The following RAB11FIP3 variants were observed in gnomAD, a reference collection of about 807,000 sequenced individuals.
RAB11FIP3 encodes rab11 family-interacting protein 3.
Under a neutral mutation model 77.8 loss-of-function variants are expected in RAB11FIP3, and 17 were observed. The observed-to-expected ratio is 0.22, with a 90% CI of 0.15 to 0.33. The LOEUF is 0.33. RAB11FIP3 is among the 10% of genes least tolerant of loss of function. The pLI, the probability that RAB11FIP3 is intolerant of heterozygous loss-of-function variation, is 1.00. For missense variants in RAB11FIP3, 1,005 were observed against 1,011.2 expected, an observed-to-expected ratio of 0.99 and a Z score of 0.08; for synonymous variants, 437 against 448.2, an observed-to-expected ratio of 0.98 and a Z score of 0.31.
chr16:471,485 C>A lies in RAB11FIP3; in HGVS notation c.903+96C>A. 9.0e-7 allele frequency: 1 copy of A among 1,107,830 alleles called. No homozygotes were observed. The highest frequency in any genetic ancestry group is 1.3e-5 in the South Asian group (1 of 74,242). 68.6% of individuals were successfully genotyped at this position (1,107,830 alleles called of 1,614,324 possible). On this transcript the variant is annotated intron_variant, in intron 3 of 13. Coordinates refer to ENST00000262305, the MANE Select transcript of RAB11FIP3 (RefSeq NM_014700.4). This position sits in a 1 kb window ranked among gnomAD's most constrained non-coding sequence, Gnocchi z 4.4. Reference sequence around the variant, plus strand: ...TGCCTCCTGCCTCCGGGCTGTCTTCCGTAGAAGCTGGCGTGAAGGAAGGGC... The same window carrying A: ...TGCCTCCTGCCTCCGGGCTGTCTTCAGTAGAAGCTGGCGTGAAGGAAGGGC...
intron 1 of RAB11FIP3, among the ~76,000 whole-genome samples, chr16:448,545 G>C (rs2055354488): frequency 6.6e-6 from 1 of 151,872 alleles, no homozygotes; most frequent in Admixed American, 6.6e-5. Flanking sequence ...GACCATCCTG[G>C]CTAACACGGT....
At chr16:436,559 G>T (rs1322250166) in intron 1 of RAB11FIP3, among the ~76,000 whole-genome samples, 1 of 152,058 alleles carries the variant, frequency 6.6e-6, no homozygotes, top group East Asian at 1.9e-4. Flanking sequence ...TGAGCTCACT[G>T]CAAGCTCCAC....
chr16:487,710 G>T (rs1345537855), intron 4 of RAB11FIP3, among the ~76,000 whole-genome samples: 2 of 152,164 alleles, frequency 1.3e-5, no homozygotes, highest in East Asian at 3.9e-4. Flanking sequence ...GGGACCGCTA[G>T]GGCACAGGAG....
rs8052499 is a variant in RAB11FIP3 at position 497,572 on chromosome 16, T to C, written c.1301+713T>C. ...CTGGAGCATCCCCTCTGGAGCCTCC[T>C]CTCTGCCCTGTTGTGCCGGGCGTTC... is the stretch of plus-strand genomic sequence containing the variant. On this transcript the variant is annotated intron_variant, in intron 6 of 13. Coordinates refer to ENST00000262305, the MANE Select transcript of RAB11FIP3 (RefSeq NM_014700.4). 2.2e-3 allele frequency: 1,849 copies of C among 843,582 alleles called. 25 individuals are homozygous for C. In the African/African-American group the frequency reaches 0.03, roughly 14 times the overall value. The allele number at this position is 843,582 out of a possible 1,614,324, so 52.3% of individuals were successfully genotyped here. A position where few individuals can be genotyped will look rare whatever the true frequency, so the allele number is the denominator to read the frequency against.
At position 518,428 on chromosome 16, in the gene RAB11FIP3, A is replaced by T. The variant is rs531809479; in HGVS notation, c.1641-515A>T. On this transcript the variant is annotated intron_variant, in intron 9 of 13. Coordinates refer to ENST00000262305, the MANE Select transcript of RAB11FIP3 (RefSeq NM_014700.4). ...ATTATTCCAAAACCCAAAGTATATT[A>T]AAAAAACCACCGTGGATGGCCGGCG... is the stretch of plus-strand genomic sequence containing the variant. 2.2e-3 allele frequency among the ~76,000 whole-genome samples: 330 copies of T among 151,618 alleles called. 5 individuals are homozygous for T. Among genetic ancestry groups the T allele is most frequent in the African/African-American group, 7.7e-3 (316 of 40,984 alleles).
chr16:446,418 T>A (rs577459454), intron 1 of RAB11FIP3, among the ~76,000 whole-genome samples: 1 of 152,316 alleles, frequency 6.6e-6, no homozygotes, highest in African/African-American at 2.4e-5. Flanking sequence ...GAGCAGATAT[T>A]TCCTTCAGAG....
In RAB11FIP3 at chr16:485,659, C is replaced by T. The variant is rs1471155210; in HGVS notation, c.1115+2923C>T. ...AACTCCTGACCTTGTGATCCACCCA[C>T]GTTGGCCTCCCAAAGTGCTGGGATT... On this transcript the variant is annotated intron_variant, in intron 4 of 13. Coordinates refer to ENST00000262305, the MANE Select transcript of RAB11FIP3 (RefSeq NM_014700.4). Among the ~76,000 whole-genome samples the T allele has an allele frequency of 3.3e-5, 5 of 152,380 alleles. No homozygotes were observed. The Middle Eastern group carries it at 0.01, about 311-fold the overall frequency.
chr16:459,875 CTTTTTTTTTTTT>C (rs1170379362), intron 1 of RAB11FIP3, among the ~76,000 whole-genome samples: 1 of 119,340 alleles, frequency 8.4e-6, no homozygotes, highest in Admixed American at 8.4e-5. Flanking sequence ...ATTGAGTTGT[CTTTTTTTTTTTT>C]TTTTTTTTGA....
chr16:479,105 A>C (rs1477029932), intron 3 of RAB11FIP3, among the ~76,000 whole-genome samples: 1 of 152,168 alleles, frequency 6.6e-6, no homozygotes, highest in Non-Finnish European at 1.5e-5. Flanking sequence ...TTAAGAGTAA[A>C]AACAAGTTGG....
chr16:455,642 G>C (rs535159932), intron 1 of RAB11FIP3, among the ~76,000 whole-genome samples: 9 of 152,050 alleles, frequency 5.9e-5, no homozygotes, highest in Non-Finnish European at 1.3e-4. Flanking sequence ...TGTCGCCCAC[G>C]TGGAATGCAG....
chr16:494,558 C>A (rs1417029979), intron 5 of RAB11FIP3, among the ~76,000 whole-genome samples: 1 of 151,810 alleles, frequency 6.6e-6, no homozygotes, highest in Admixed American at 6.6e-5. Flanking sequence ...GGAGGTGGAA[C>A]TTGCAGTGAG....
chr16:430,929 G>A (rs1010556354), intron 1 of RAB11FIP3, among the ~76,000 whole-genome samples: 8 of 152,206 alleles, frequency 5.3e-5, no homozygotes, highest in Non-Finnish European at 8.8e-5. Flanking sequence ...TCAAGCGACC[G>A]TCCTCGGGCC....
intron 9 of RAB11FIP3, 112 bp from the exon 10 acceptor site, chr16:518,831 C>T (rs140564842): frequency 1.6e-5 from 16 of 1,008,206 alleles, no homozygotes; most frequent in East Asian, 9.5e-5. Flanking sequence ...CGTTTGGGGG[C>T]GTCTGTTGGT....
At chr16:519,184 C>A in intron 10 of RAB11FIP3, 160 bp downstream of exon 10, 1 of 692,622 alleles carries the variant, frequency 1.4e-6, no homozygotes, top group Non-Finnish European at 2.4e-6. Flanking sequence ...AGACACTGGA[C>A]CGTGCTCCAC....
chr16:454,404 G>A (rs550249698), intron 1 of RAB11FIP3, among the ~76,000 whole-genome samples: 49 of 152,088 alleles, frequency 3.2e-4, no homozygotes, highest in African/African-American at 1.1e-3. Flanking sequence ...TAGCGAGATC[G>A]CCTCCCTACA....
At chr16:460,710 A>C (rs547639381) in intron 1 of RAB11FIP3, among the ~76,000 whole-genome samples, 3 of 152,188 alleles carry the variant, frequency 2.0e-5, no homozygotes, top group Non-Finnish European at 4.4e-5. Context: ...TCTATGTAAC[A>C]TATCTATGTT....
chr16:492,985 C>T (rs1209739256), intron 5 of RAB11FIP3, among the ~76,000 whole-genome samples: 4 of 152,104 alleles, frequency 2.6e-5, no homozygotes, highest in Non-Finnish European at 4.4e-5. Flanking sequence ...CAGTGACTCA[C>T]GCCTGTAATC....
intron 3 of RAB11FIP3, among the ~76,000 whole-genome samples, chr16:479,052 T>G (rs1043541128): frequency 6.6e-6 from 1 of 152,200 alleles, no homozygotes; most frequent in African/African-American, 2.4e-5. Flanking sequence ...CCACAAATAT[T>G]TACTATCTAC....
Position 515,788 on chromosome 16 carries a change from G to C in RAB11FIP3, c.1641-3155G>C, listed in dbSNP as rs573238104. On this transcript the variant is annotated intron_variant, in intron 9 of 13. Transcript: ENST00000262305. ...ACACGGCCGACACGGACCGGGGTTT[G>C]CATCTTGGTACATGAAGGCTCAGAA... 5.9e-5 allele frequency among the ~76,000 whole-genome samples: 9 copies of C among 152,346 alleles called. No individual in the cohort carries two copies. The East Asian group carries it at 1.7e-3, about 29-fold the overall frequency.
Sources: gnomAD v4.1 joint callset for allele counts (sites outside exome capture counted in the v4.1 genomes callset) on GRCh38, gnomAD v4.1.1 for gene constraint, Gnocchi (gnomAD v3.1) non-coding constraint, MANE v1.5 for transcripts, NCBI Gene and HGNC (gene_info 2026-07-23, HGNC 2026-07-21) for gene names.